SGCZ: variants seen among roughly 807,000 people sequenced by gnomAD.
SGCZ encodes sarcoglycan zeta.
Under a neutral mutation model 41.3 loss-of-function variants are expected in SGCZ, and 40 were observed. That is an observed-to-expected ratio of 0.97 (90% CI 0.75 to 1.26). The LOEUF (loss-of-function observed/expected upper bound fraction) is 1.26, where lower values mean the gene tolerates loss of function less well. Among genes scored for constraint, SGCZ ranks in the 50% most tolerant of loss-of-function variants. The pLI is 0.00. For missense variants in SGCZ, 552 were observed against 369.8 expected (o/e 1.49, Z -4.04); for synonymous variants, 206 against 137.5 (o/e 1.50, Z -3.49).
At chr8:14,154,404 C>T (rs1803814635) in intron 5 of SGCZ, among the ~76,000 whole-genome samples, 2 of 151,452 alleles carry the variant, frequency 1.3e-5, no homozygotes, top group Non-Finnish European at 2.9e-5. Context: ...AAAAAAACCG[C>T]AGAAAATAAG....
chr8:14,772,926 C>T (rs1188482791), intron 1 of SGCZ, among the ~76,000 whole-genome samples: 16 of 151,924 alleles, frequency 1.1e-4, no homozygotes, highest in East Asian at 9.7e-4. Context: ...GATTTATAGT[C>T]CTTTGGGTAT....
chr8:15,162,193 G>C (rs967468909), intron 1 of SGCZ, among the ~76,000 whole-genome samples: 1 of 152,166 alleles, frequency 6.6e-6, no homozygotes, highest in East Asian at 1.9e-4. Flanking sequence ...TGTTAGACCT[G>C]TTAAGAAAGT....
At chr8:15,113,986 C>T (rs1041871327) in intron 1 of SGCZ, among the ~76,000 whole-genome samples, 2 of 152,176 alleles carry the variant, frequency 1.3e-5, no homozygotes, top group Non-Finnish European at 2.9e-5. Context: ...TGACAGAAAA[C>T]AAGATGCTCC....
intron 2 of SGCZ, among the ~76,000 whole-genome samples, chr8:14,523,936 T>A (rs987133011): frequency 2.6e-5 from 4 of 152,118 alleles, no homozygotes; most frequent in Admixed American, 6.6e-5. Flanking sequence ...GTTTACTGAT[T>A]AATTCTAATT....
chr8:14,555,045 C>G, intron 1 of SGCZ, 119 bp from the exon 2 acceptor site: 1 of 823,996 alleles, frequency 1.2e-6, no homozygotes, highest in Non-Finnish European at 1.9e-6. Context: ...TGGCAGTGAG[C>G]ATTCAAATAA....
intron 3 of SGCZ, among the ~76,000 whole-genome samples, chr8:14,271,354 T>A (rs552637009): frequency 6.6e-6 from 1 of 152,338 alleles, no homozygotes; most frequent in East Asian, 1.9e-4. Flanking sequence ...TTGTTTTTGA[T>A]TGATTCATAT....
At chr8:14,449,305 G>A (rs1271413547) in intron 2 of SGCZ, among the ~76,000 whole-genome samples, 1 of 152,150 alleles carries the variant, frequency 6.6e-6, no homozygotes, top group Non-Finnish European at 1.5e-5. Context: ...TTCCACTCCA[G>A]TACTATTTAC....
intron 1 of SGCZ, among the ~76,000 whole-genome samples, chr8:14,961,201 T>C (rs573754616): frequency 6.6e-6 from 1 of 152,082 alleles, no homozygotes; most frequent in African/African-American, 2.4e-5. Flanking sequence ...CCCAGCTCCA[T>C]CATTTTCTTT....
intron 1 of SGCZ, among the ~76,000 whole-genome samples, chr8:14,678,240 C>T (rs1372609326): frequency 1.3e-5 from 2 of 151,936 alleles, no homozygotes; most frequent in Non-Finnish European, 2.9e-5. Flanking sequence ...AAGACACTGT[C>T]AAAAGTATGA....
At chr8:14,611,195 TC>T (rs1805916908) in intron 1 of SGCZ, among the ~76,000 whole-genome samples, 2 of 152,288 alleles carry the variant, frequency 1.3e-5, no homozygotes, top group Non-Finnish European at 1.5e-5. Flanking sequence ...ACTTTGCTCT[TC>T]CTCAACACTG....
intron 1 of SGCZ, among the ~76,000 whole-genome samples, chr8:15,217,373 C>T (rs902175222): frequency 1.6e-4 from 24 of 148,708 alleles, no homozygotes; most frequent in Non-Finnish European, 2.2e-4. Context: ...GTCGAGATTG[C>T]GCCACCGCAC....
intron 2 of SGCZ, among the ~76,000 whole-genome samples, chr8:14,471,009 A>G (rs1419158810): frequency 6.6e-6 from 1 of 152,194 alleles, no homozygotes; most frequent in Non-Finnish European, 1.5e-5. Flanking sequence ...AAGGAGTGCC[A>G]TCAAGAAAAC....
At chr8:15,198,247 C>A (rs986319292) in intron 1 of SGCZ, among the ~76,000 whole-genome samples, 1 of 151,646 alleles carries the variant, frequency 6.6e-6, no homozygotes, top group African/African-American at 2.4e-5. Context: ...CATTTTTACG[C>A]CAAAATATGA....
intron 1 of SGCZ, among the ~76,000 whole-genome samples, chr8:14,562,733 G>C (rs143982361): frequency 6.6e-6 from 1 of 152,136 alleles, no homozygotes. Context: ...AAATAGAATT[G>C]TAGATGAGTG....
chr8:14,958,846 GA>G (rs1372562796), intron 1 of SGCZ, among the ~76,000 whole-genome samples: 2 of 152,028 alleles, frequency 1.3e-5, no homozygotes, highest in East Asian at 1.9e-4. Context: ...GAATGACAGA[GA>G]AAAAGACATA....
At chr8:14,361,790 G>T (rs969382981) in intron 2 of SGCZ, among the ~76,000 whole-genome samples, 5 of 152,186 alleles carry the variant, frequency 3.3e-5, no homozygotes, top group African/African-American at 1.2e-4. Flanking sequence ...CAGCCTTTCT[G>T]CTCTGGTTTC....
rs1408574493 is a variant in SGCZ, at chr8:14,784,913, A to AAAAAAAAAT, written c.40-229988_40-229987insATTTTTTTT. Reference sequence around the variant, plus strand: ...GTGAAACTCTGCCTCAAAAAAAAAAAATATATATATATATATATATAAAAT... The same window carrying AAAAAAAAAT: ...GTGAAACTCTGCCTCAAAAAAAAAAAAAAAAAAATATATATATATATATATATATAAAAT... On this transcript the variant is annotated intron_variant, in intron 1 of 7. Coordinates refer to ENST00000382080, the MANE Select transcript of SGCZ (RefSeq NM_139167.4). Among the ~76,000 whole-genome samples the AAAAAAAAAT allele has an allele frequency of 6.7e-4, 59 of 88,014 alleles. 2 individuals are homozygous for AAAAAAAAAT. Among genetic ancestry groups the AAAAAAAAAT allele is most frequent in the African/African-American group, 2.4e-3 (51 of 21,348 alleles). The allele number at this position is 88,014 out of a possible 152,430, so 57.7% of individuals were successfully genotyped here.
rs186164909 is a variant in SGCZ, at chr8:14,644,542, A to G, written c.40-89616T>C. ...TTGTCTCTCTTTATCTCTCCTTCAA[A>G]GTCCATTAATGGTTTTGTATCTCTG... On this transcript the variant is annotated intron_variant, in intron 1 of 7. Coordinates refer to ENST00000382080, the MANE Select transcript of SGCZ (RefSeq NM_139167.4). Among the ~76,000 whole-genome samples the G allele has an allele frequency of 1.1e-3, 174 of 151,842 alleles. 1 individual carries two copies. Among genetic ancestry groups the G allele is most frequent in the Admixed American group, 3.6e-3 (54 of 15,184 alleles).
At chr8:14,203,332 T>C (rs2054422) in intron 4 of SGCZ, among the ~76,000 whole-genome samples, 108,134 of 152,126 alleles carry the variant, frequency 0.71, 39,261 homozygotes, top group African/African-American at 0.84. Flanking sequence ...TCTTTTCTTA[T>C]CTACGTTCAT....
Sources: allele counts gnomAD v4.1 joint callset (sites outside exome capture counted in the v4.1 genomes callset), GRCh38; gene constraint gnomAD v4.1.1; transcripts MANE v1.5; gene names NCBI Gene and HGNC (gene_info 2026-07-23, HGNC 2026-07-21).